IZUMO4: variants seen among roughly 807,000 people sequenced by gnomAD.
IZUMO4 encodes the protein IZUMO family member 4.
IZUMO4 carries 51 observed loss-of-function variants against 37.1 expected under a neutral mutation model. The ratio of observed to expected loss-of-function variants is 1.38; its 90% CI spans 1.10 to 1.74. IZUMO4 has a LOEUF of 1.74. Ranked by LOEUF, IZUMO4 falls within the 40% of genes most tolerant of loss-of-function variation. IZUMO4 has a pLI of 0.00. For synonymous variants in IZUMO4, 162 were observed against 121.4 expected (o/e 1.33, Z -2.20); for missense variants, 364 against 299.6 (o/e 1.21, Z -1.59).
intron 5 of IZUMO4, 71 bp downstream of exon 5, chr19:2,098,198 G>A: frequency 6.2e-7 from 1 of 1,611,320 alleles, no homozygotes; most frequent in Non-Finnish European, 8.5e-7. Context: ...TCTCCTTGGA[G>A]GGGGCTCCCC....
intron 3 of IZUMO4, 105 bp from the exon 4 acceptor site, chr19:2,097,824 C>T: frequency 7.1e-7 from 1 of 1,412,100 alleles, no homozygotes; most frequent in Non-Finnish European, 9.9e-7. Context: ...TGAGCCTGGG[C>T]CCCAGTGCCG....
At chr19:2,098,493 G>T in intron 7 of IZUMO4, 43 bp downstream of exon 7, 1 of 1,613,390 alleles carries the variant, frequency 6.2e-7, no homozygotes, top group South Asian at 1.1e-5. Context: ...GTGTGTATGT[G>T]AGCACCTCGT....
In IZUMO4 at chr19:2,098,062, G is replaced by C; in HGVS notation, c.408G>C (p.Gln136His). Residue 136 changes from glutamine to histidine, a missense_variant, in exon 5 of 10, where the codon CAG (glutamine) becomes CAC (histidine). By Grantham distance (24) the Gln-to-His change is conservative. Transcript: ENST00000395301. ...IDCQHRCGIF[Q>H]YETISCNNCT... is the part of the protein sequence containing the mutation. Reference sequence around the variant, plus strand: ...TTGTACGTGTTTCAGGCATCTTCCAGTACGAGACCATCTCCTGCAACAACT... The same window carrying C: ...TTGTACGTGTTTCAGGCATCTTCCACTACGAGACCATCTCCTGCAACAACT... 6.2e-7 allele frequency: 1 copy of C among 1,613,460 alleles called. No individual in the cohort carries two copies. Among genetic ancestry groups the C allele is most frequent in the Non-Finnish European group, 8.5e-7 (1 of 1,180,000 alleles).
In IZUMO4 at chr19:2,098,451, G is replaced by T; in HGVS notation, c.536+1G>T. 1 of 1,613,910 alleles carries T rather than the reference G, an allele frequency of 6.2e-7. No homozygotes were observed. On this transcript the variant is annotated splice_donor_variant, in intron 7 of 9. Coordinates refer to ENST00000395301, the MANE Select transcript of IZUMO4 (RefSeq NM_001039846.2). LOFTEE classifies it high-confidence loss of function. Reference sequence around the variant, plus strand: ...GTCTTTGTAGAAATAACTGGCACAAGTAAGTCCCCTCCTCAAACCAACACA... The same window carrying T: ...GTCTTTGTAGAAATAACTGGCACAATTAAGTCCCCTCCTCAAACCAACACA...
Position 2,098,965 on chromosome 19 carries a change from T to C in IZUMO4, c.555-11T>C, listed in dbSNP as rs2017815763. 6.2e-7 allele frequency: 1 copy of C among 1,612,780 alleles called. No individual in the cohort carries two copies. The highest frequency in any genetic ancestry group is 1.3e-5 in the African/African-American group (1 of 74,870). On this transcript the variant is annotated splice_polypyrimidine_tract_variant and intron_variant, in intron 8 of 9. Coordinates refer to ENST00000395301, the MANE Select transcript of IZUMO4 (RefSeq NM_001039846.2). ...TCTGCAACCACACCCATGTGGTGGT[T>C]TCATGAACAGACCACGCTCCTCTGC...
Position 2,098,178 on chromosome 19 carries a change from G to T in IZUMO4, c.473+51G>T, listed in dbSNP as rs1311857635. The T allele has an allele frequency of 5.6e-6, 9 of 1,610,174 alleles. No homozygotes were observed. In the East Asian group the frequency reaches 2.0e-4, roughly 36 times the overall value. On this transcript the variant is annotated intron_variant, in intron 5 of 9. Transcript: ENST00000395301. ...CGTGCCAGGGCCCTACTGTCCCTGG[G>T]GTCCCAGGCTCTCCTTGGAGGGGGC...
Position 2,098,779 on chromosome 19 carries a change from C to T in IZUMO4, c.537-8C>T. The T allele has an allele frequency of 1.2e-6, 2 of 1,603,958 alleles. No individual in the cohort carries two copies. Among genetic ancestry groups the T allele is most frequent in the Admixed American group, 1.7e-5 (1 of 57,700 alleles). On this transcript the variant is annotated splice_polypyrimidine_tract_variant and splice_region_variant and intron_variant, in intron 7 of 9. Transcript: ENST00000395301. ...TGGAGGGGCTGACTGCCCCACATTG[C>T]CTTTCAGACAGGACACGAGCATGAG...
rs1461447269 is a variant in IZUMO4, at chr19:2,097,437, C to G, written c.312C>G (p.Asn104Lys). Residue 104 changes from asparagine (N) to lysine (K), a missense_variant, in exon 3 of 10, where the codon AAC becomes AAG. Transcript: ENST00000395301. ...GKMYFPGYFP[N>K]ELRNIFREQV... ...TCGACGACTCAGGGTATTTCCCCAA[C>G]GAGCTGCGAAACATCTTCCGGGAGC... 8.7e-6 allele frequency: 14 copies of G among 1,611,420 alleles called. No homozygotes were observed. Among genetic ancestry groups the G allele is most frequent in the Non-Finnish European group, 1.2e-5 (14 of 1,179,076 alleles).
At position 2,099,414 on chromosome 19, in the gene IZUMO4, C is replaced by A; in HGVS notation, c.*69C>A. On this transcript the variant is annotated 3_prime_UTR_variant, in exon 10 of 10. Coordinates refer to ENST00000395301, the MANE Select transcript of IZUMO4 (RefSeq NM_001039846.2). ...AGCTGGACAGCCCCTGCCTGTCACT[C>A]TGGAGCTGGGCTGCTGCTGCCTCAG... The A allele has an allele frequency of 9.6e-7, 1 of 1,046,130 alleles. No homozygotes were observed. The highest frequency in any genetic ancestry group is 1.4e-6 in the Non-Finnish European group (1 of 727,472). 64.8% of individuals were successfully genotyped at this position (1,046,130 alleles called of 1,614,324 possible). A position where few individuals can be genotyped will look rare whatever the true frequency, so the allele number is the denominator to read the frequency against.
chr19:2,098,909 C>A, intron 8 of IZUMO4, 67 bp from the exon 9 acceptor site: 2 of 1,590,642 alleles, frequency 1.3e-6, no homozygotes, highest in Non-Finnish European at 1.7e-6. Flanking sequence ...TGGGGCTCTC[C>A]CTATACCTGG....
At position 2,097,116 on chromosome 19, in the gene IZUMO4, C is replaced by A; in HGVS notation, c.171C>A (p.Ser57Arg). 6.2e-7 allele frequency: 1 copy of A among 1,612,422 alleles called. No homozygotes were observed. Among genetic ancestry groups the A allele is most frequent in the Non-Finnish European group, 8.5e-7 (1 of 1,179,790 alleles). ...PVSGALLTDWSDDTMKELHLA... is the reference protein window; with the variant it reads ...PVSGALLTDWRDDTMKELHLA... ...CAGGGGCGCTGCTCACCGACTGGAG[C>A]GACGACACGATGAAGGAGCTGCACC... is the stretch of plus-strand genomic sequence containing the variant. Residue 57 changes from serine (S) to arginine (R), a missense_variant, in exon 1 of 10, where the codon AGC becomes AGA. Coordinates refer to ENST00000395301, the MANE Select transcript of IZUMO4 (RefSeq NM_001039846.2).
Position 2,097,935 on chromosome 19 carries a change from T to C in IZUMO4, c.377T>C (p.Ile126Thr). 6.2e-7 allele frequency: 1 copy of C among 1,613,052 alleles called. No homozygotes were observed. Among genetic ancestry groups the C allele is most frequent in the Non-Finnish European group, 8.5e-7 (1 of 1,179,956 alleles). Residue 126 changes from isoleucine to threonine, a missense_variant, in exon 4 of 10, where the codon ATC (isoleucine) becomes ACC (threonine). Coordinates refer to ENST00000395301, the MANE Select transcript of IZUMO4 (RefSeq NM_001039846.2). ...LIQNAIIESR[I>T]DCQHRCGIFQ... is the part of the protein sequence containing the mutation. ...CTGTCCTGCCCTCCCACAGGCCGCA[T>C]CGACTGTCAGCACCGCTGTGGTAAG... is the stretch of plus-strand genomic sequence containing the variant.
Position 2,099,501 on chromosome 19 carries a change from G to GT in IZUMO4, c.*156_*157insT. ...CAGGGCCAGGAGGGCGGGAGGGAGG[G>GT]AATGGGGGTGGGCTGTGCGCAGCAT... On this transcript the variant is annotated 3_prime_UTR_variant, in exon 10 of 10. Transcript: ENST00000395301. 1 of 363,896 alleles carries GT rather than the reference G, an allele frequency of 2.7e-6. No homozygotes were observed. The highest frequency in any genetic ancestry group is 7.8e-5 in the East Asian group (1 of 12,748). The allele number at this position is 363,896 out of a possible 1,614,324, so 22.5% of individuals were successfully genotyped here. A position where few individuals can be genotyped will look rare whatever the true frequency, so the allele number is the denominator to read the frequency against.
In IZUMO4 at chr19:2,099,326, A is replaced by C. The variant is rs1353538107; in HGVS notation, c.680A>C (p.Glu227Ala). Residue 227 changes from glutamate to alanine, a missense_variant, in exon 10 of 10, where the codon GAG (glutamate) becomes GCG (alanine). Glu to Ala is a moderately radical substitution (Grantham distance 107, BLOSUM62 -1). Coordinates refer to ENST00000395301, the MANE Select transcript of IZUMO4 (RefSeq NM_001039846.2). ...AACCTGACCTTGGAAGATGCTGCTG[A>C]GTGTCTCAAGCAGCACTGACAGCAG... Reference protein sequence around the residue: ...LANLTLEDAAECLKQH With the variant: ...LANLTLEDAAACLKQH The C allele has an allele frequency of 3.7e-6, 6 of 1,612,644 alleles. No individual in the cohort carries two copies. Among genetic ancestry groups the C allele is most frequent in the Non-Finnish European group, 5.1e-6 (6 of 1,179,410 alleles).
Position 2,099,336 on chromosome 19 carries a change from G to A in IZUMO4, c.690G>A (p.Lys230=), listed in dbSNP as rs1208828482. 3.1e-6 allele frequency: 5 copies of A among 1,612,256 alleles called. No individual in the cohort carries two copies. The African/African-American group carries it at 4.0e-5, about 13-fold the overall frequency. The change falls in exon 10 of 10, where the codon AAG becomes AAA. Residue 230 remains lysine (K), a synonymous_variant. Coordinates refer to ENST00000395301, the MANE Select transcript of IZUMO4 (RefSeq NM_001039846.2). ...TGGAAGATGCTGCTGAGTGTCTCAA[G>A]CAGCACTGACAGCAGCTGGGCCTGC... The part of the protein sequence containing the change: ...LTLEDAAECL[K]QH
In IZUMO4 at chr19:2,097,064, C is replaced by T. The variant is rs956204184; in HGVS notation, c.119C>T (p.Ser40Phe). The T allele has an allele frequency of 6.8e-6, 11 of 1,612,716 alleles. No homozygotes were observed. Among genetic ancestry groups the T allele is most frequent in the Non-Finnish European group, 8.5e-6 (10 of 1,179,950 alleles). ...TACCGCCACCATGTGAACTTCAAGT[C>T]CTGGTGGGTGGGCGACATCCCCGTG... Reference protein sequence around the residue: ...SFYRHHVNFKSWWVGDIPVSG... With the variant: ...SFYRHHVNFKFWWVGDIPVSG... Residue 40 changes from serine (S) to phenylalanine (F), a missense_variant, in exon 1 of 10, where the codon TCC becomes TTC. Coordinates refer to ENST00000395301, the MANE Select transcript of IZUMO4 (RefSeq NM_001039846.2).
At chr19:2,097,362 C>T (rs774796584) in intron 2 of IZUMO4, 30 bp downstream of exon 2, 1 of 1,611,038 alleles carries the variant, frequency 6.2e-7, no homozygotes, top group East Asian at 2.2e-5. Flanking sequence ...GGCGGGGCCC[C>T]CCCACCCCGG....
rs12984606 is a variant in IZUMO4 at position 2,099,112 on chromosome 19, T to C, written c.608+83T>C. Reference sequence around the variant, plus strand: ...GCGTGCCGCGGCCTGCACACCCTGCTGACATCCCAGGCACGAGGGTGTCGT... The same window carrying C: ...GCGTGCCGCGGCCTGCACACCCTGCCGACATCCCAGGCACGAGGGTGTCGT... On this transcript the variant is annotated intron_variant, in intron 9 of 9. Transcript: ENST00000395301. 4,313 of 1,423,734 alleles carry C rather than the reference T, an allele frequency of 3.0e-3. 140 individuals carry two copies. The Admixed American group carries it at 0.058, about 19-fold the overall frequency. The allele number at this position is 1,423,734 out of a possible 1,614,324, so 88.2% of individuals were successfully genotyped here.
rs780773364 is a variant in IZUMO4 at position 2,097,050 on chromosome 19, T to C, written c.105T>C (p.His35=). The C allele has an allele frequency of 2.5e-6, 4 of 1,612,712 alleles. No individual in the cohort carries two copies. Among genetic ancestry groups the C allele is most frequent in the South Asian group, 2.2e-5 (2 of 91,084 alleles). The part of the protein sequence containing the change: ...FSKKFSFYRH[H]VNFKSWWVGD... ...AGAAGTTCTCCTTCTACCGCCACCA[T>C]GTGAACTTCAAGTCCTGGTGGGTGG... Residue 35 remains histidine, a synonymous_variant, in exon 1 of 10, where the codon CAT becomes CAC. Transcript: ENST00000395301.
Sources: allele counts gnomAD v4.1 joint callset, GRCh38; gene constraint gnomAD v4.1.1; transcripts MANE v1.5; gene names NCBI Gene and HGNC (gene_info 2026-07-23, HGNC 2026-07-21).